The following SLC71A1 variants were observed in gnomAD, a reference collection of about 807,000 sequenced individuals.
The protein encoded by SLC71A1 is solute carrier family 71 member 1.
At chr1:100,044,877 A>G in the SLC71A1 span, among the ~76,000 whole-genome samples, 4 of 152,132 alleles carry the variant, frequency 2.6e-5, no homozygotes, top group East Asian at 7.7e-4. Flanking sequence ...CTATTTTTAT[A>G]CCAGTACCAT....
chr1:100,062,046 G>T, the SLC71A1 span: 3 of 692,712 alleles, frequency 4.3e-6, no homozygotes, highest in Non-Finnish European at 7.2e-6. Context: ...TGCATTACAA[G>T]ATTTTTGCGT....
At chr1:100,046,999 G>T in the SLC71A1 span, among the ~76,000 whole-genome samples, 1 of 152,304 alleles carries the variant, frequency 6.6e-6, no homozygotes, top group South Asian at 2.1e-4. Context: ...CATGTCATCT[G>T]TAAAGAGGGA....
At chr1:100,068,600 C>A in the SLC71A1 span, 2 of 1,402,292 alleles carry the variant, frequency 1.4e-6, no homozygotes, top group Non-Finnish European at 2.0e-6. Flanking sequence ...AAATCCTCTT[C>A]CACTAAGGTG....
chr1:100,054,081 A>G, the SLC71A1 span, among the ~76,000 whole-genome samples: 2 of 140,910 alleles, frequency 1.4e-5, no homozygotes, highest in Non-Finnish European at 3.0e-5. Context: ...TTAATCTGGC[A>G]TCCAGGTTGG....
the SLC71A1 span, among the ~76,000 whole-genome samples, chr1:100,046,359 T>C: frequency 1.4e-3 from 216 of 151,666 alleles, no homozygotes; most frequent in Admixed American, 4.5e-3. Context: ...CCCGAGGAAC[T>C]GGGATTACAG....
At chr1:100,079,051 G>A in the SLC71A1 span, 1 of 152,550 alleles carries the variant, frequency 6.6e-6, no homozygotes. Context: ...GGGCGACACA[G>A]TGAGAGACCT....
chr1:100,041,225 GA>G, the SLC71A1 span, among the ~76,000 whole-genome samples: 3 of 152,258 alleles, frequency 2.0e-5, no homozygotes, highest in South Asian at 2.1e-4. Context: ...GTAAGTTACT[GA>G]TTTTTTTATT....
the SLC71A1 span, among the ~76,000 whole-genome samples, chr1:100,044,006 A>G: frequency 2.0e-5 from 3 of 152,252 alleles, no homozygotes; most frequent in East Asian, 1.9e-4. Context: ...TTGTGCTGCT[A>G]TAAACATGCA....
the SLC71A1 span, among the ~76,000 whole-genome samples, chr1:100,081,596 G>C: frequency 6.6e-6 from 1 of 152,044 alleles, no homozygotes; most frequent in Non-Finnish European, 1.5e-5. Context: ...GGCTGGTCTC[G>C]AACTCCTGAC....
chr1:100,064,709 C>A, the SLC71A1 span, among the ~76,000 whole-genome samples: 45 of 150,802 alleles, frequency 3.0e-4, no homozygotes, highest in African/African-American at 1.0e-3. Flanking sequence ...TCAATAGGTT[C>A]TATTTTTGTC....
the SLC71A1 span, among the ~76,000 whole-genome samples, chr1:100,074,992 C>G: frequency 6.6e-6 from 1 of 152,208 alleles, no homozygotes; most frequent in Non-Finnish European, 1.5e-5. Context: ...GGGATTTATT[C>G]TTTGAGAACA....
the SLC71A1 span, among the ~76,000 whole-genome samples, chr1:100,052,424 CTTT>C: frequency 6.4e-3 from 771 of 119,556 alleles, no homozygotes; most frequent in African/African-American, 0.012. Flanking sequence ...TAATATATTC[CTTT>C]TTTTTTTTTT....
At chr1:100,080,349 AAT>A in the SLC71A1 span, 9 of 639,918 alleles carry the variant, frequency 1.4e-5, no homozygotes, top group East Asian at 2.2e-4. Context: ...TCTAAATATT[AAT>A]AGTTTTTAAT....
At chr1:100,068,096 T>C in the SLC71A1 span, 5 of 1,614,188 alleles carry the variant, frequency 3.1e-6, no homozygotes, top group Non-Finnish European at 3.4e-6. Context: ...TGCTAGATAT[T>C]TGTTTTATCC....
At chr1:100,074,046 GA>G in the SLC71A1 span, among the ~76,000 whole-genome samples, 21 of 152,132 alleles carry the variant, frequency 1.4e-4, no homozygotes, top group Admixed American at 1.4e-3. Context: ...GTAAATAAGA[GA>G]AAAGTTCCTG....
the SLC71A1 span, chr1:100,081,852 C>T: frequency 7.7e-6 from 5 of 647,142 alleles, no homozygotes; most frequent in African/African-American, 3.7e-5. Flanking sequence ...TCTCTTTTCT[C>T]CTAAAAAGGG....
chr1:100,056,442 A>G, the SLC71A1 span, among the ~76,000 whole-genome samples: 2 of 152,280 alleles, frequency 1.3e-5, no homozygotes, highest in South Asian at 2.1e-4. Flanking sequence ...AGCTATTAAG[A>G]ATAGTGCTGC....
the SLC71A1 span, among the ~76,000 whole-genome samples, chr1:100,071,440 C>T: frequency 6.6e-6 from 1 of 151,772 alleles, no homozygotes; most frequent in Non-Finnish European, 1.5e-5. Context: ...CATGGTACTC[C>T]AGTATGGGCA....
chr1:100,068,268 G>T, the SLC71A1 span: 1 of 1,228,902 alleles, frequency 8.1e-7, no homozygotes, highest in Non-Finnish European at 1.2e-6. Context: ...TTTTGTTGTG[G>T]ATATTTCTTT....
Sources: gnomAD v4.1 joint callset for allele counts (sites outside exome capture counted in the v4.1 genomes callset) on GRCh38, gnomAD v4.1.1 for gene constraint, MANE v1.5 for transcripts, NCBI Gene and HGNC (gene_info 2026-07-23, HGNC 2026-07-21) for gene names.